UNC13C: variants seen among roughly 807,000 people sequenced by gnomAD.
The protein encoded by UNC13C is unc-13 homolog C, also known as protein unc-13 homolog C.
Under a neutral mutation model 245.4 loss-of-function variants are expected in UNC13C, and 174 were observed. That is an observed-to-expected ratio of 0.71 (90% CI 0.63 to 0.80). The LOEUF is 0.80. Ranked by LOEUF, UNC13C falls within the 30% of genes least tolerant of loss-of-function variation. The probability of loss-of-function intolerance (pLI) is 0.00; values close to 1 mark genes in which losing one functional copy is unlikely to be tolerated. For missense variants in UNC13C, 2,829 were observed against 2,602.9 expected, an observed-to-expected ratio of 1.09 and a Z score of -1.89; for synonymous variants, 992 against 895.1, an observed-to-expected ratio of 1.11 and a Z score of -1.93.
intron 29 of UNC13C, among the ~76,000 whole-genome samples, chr15:54,556,975 C>A (rs756670583): frequency 6.6e-6 from 1 of 151,986 alleles, no homozygotes; most frequent in Non-Finnish European, 1.5e-5. Context: ...AGATGATCAC[C>A]ACCTGCTGGC....
intron 2 of UNC13C, among the ~76,000 whole-genome samples, chr15:54,035,993 A>G (rs1374438749): frequency 1.3e-5 from 2 of 152,186 alleles, no homozygotes; most frequent in Non-Finnish European, 2.9e-5. Context: ...CTTCCCATCT[A>G]GGAATTGAGG....
chr15:54,538,263 A>G (rs915516416), intron 26 of UNC13C, among the ~76,000 whole-genome samples: 17 of 151,794 alleles, frequency 1.1e-4, no homozygotes, highest in Non-Finnish European at 5.9e-5. Context: ...GTCACTAATC[A>G]TTGAAGAAAT....
intron 2 of UNC13C, among the ~76,000 whole-genome samples, chr15:54,078,444 C>T (rs991546879): frequency 6.6e-6 from 1 of 152,136 alleles, no homozygotes; most frequent in African/African-American, 2.4e-5. Context: ...AGCTAATTTA[C>T]GTTTCTGCCA....
At position 54,509,818 on chromosome 15, in the gene UNC13C, A is replaced by C. The variant is rs74016634; in HGVS notation, c.5380-1935A>C. On this transcript the variant is annotated intron_variant, in intron 23 of 32. Transcript: ENST00000260323. ...CAGTAGCAGTTTGATGAATTGATTC[A>C]GTAAAACTGCACTTTGAACATTTCA... Among the ~76,000 whole-genome samples the C allele has an allele frequency of 8.2e-3, 1,254 of 152,316 alleles. 26 individuals carry two copies. The highest frequency in any genetic ancestry group is 0.029 in the African/African-American group (1,202 of 41,558).
intron 4 of UNC13C, among the ~76,000 whole-genome samples, chr15:54,171,615 G>A (rs1033746185): frequency 2.0e-5 from 3 of 152,046 alleles, no homozygotes; most frequent in Admixed American, 1.3e-4. Flanking sequence ...AAATGCTGGT[G>A]AGAATGTGGA....
chr15:53,921,181 T>C, the UNC13C span, among the ~76,000 whole-genome samples: 2 of 152,076 alleles, frequency 1.3e-5, no homozygotes, highest in Admixed American at 1.3e-4. Flanking sequence ...GAAAGAACAT[T>C]GCTCTAGAAT....
intron 1 of UNC13C, among the ~76,000 whole-genome samples, chr15:53,999,635 T>C (rs1894794219): frequency 1.3e-5 from 2 of 152,046 alleles, no homozygotes; most frequent in African/African-American, 4.8e-5. Flanking sequence ...TTTTGACAGC[T>C]TCTAAAGGTG....
chr15:54,600,283 T>C (rs1685270996), intron 30 of UNC13C, among the ~76,000 whole-genome samples: 1 of 152,084 alleles, frequency 6.6e-6, no homozygotes, highest in Non-Finnish European at 1.5e-5. Context: ...AGTAGTGTTA[T>C]CTAGGGAACA....
the UNC13C span, among the ~76,000 whole-genome samples, chr15:53,953,852 A>G: frequency 1.3e-5 from 2 of 152,366 alleles, no homozygotes; most frequent in African/African-American, 4.8e-5. Context: ...TTGCTCTTCC[A>G]TCTGCTGGAA....
chr15:54,606,378 G>T (rs142640754), intron 30 of UNC13C, among the ~76,000 whole-genome samples: 1 of 152,164 alleles, frequency 6.6e-6, no homozygotes, highest in Non-Finnish European at 1.5e-5. Context: ...AGATGCATGT[G>T]TTCCATATTT....
At chr15:54,040,255 GGAGA>G (rs887540676) in intron 2 of UNC13C, among the ~76,000 whole-genome samples, 4 of 152,068 alleles carry the variant, frequency 2.6e-5, no homozygotes, top group African/African-American at 9.7e-5. Flanking sequence ...ATTAAAACTG[GGAGA>G]GAGACTAGGA....
intron 2 of UNC13C, among the ~76,000 whole-genome samples, chr15:54,035,396 T>G (rs546683779): frequency 6.6e-6 from 1 of 152,290 alleles, no homozygotes; most frequent in East Asian, 1.9e-4. Context: ...GCATGCATGA[T>G]TTGTATAGCA....
At chr15:54,181,470 T>A (rs933121267) in intron 4 of UNC13C, among the ~76,000 whole-genome samples, 3 of 149,688 alleles carry the variant, frequency 2.0e-5, no homozygotes, top group African/African-American at 7.6e-5. Flanking sequence ...TTTGTTTTGT[T>A]TTGTTTTGTT....
intron 2 of UNC13C, among the ~76,000 whole-genome samples, chr15:54,074,958 G>A (rs1297497684): frequency 6.6e-6 from 1 of 152,090 alleles, no homozygotes; most frequent in Non-Finnish European, 1.5e-5. Context: ...AGTTCTTCAA[G>A]AATTGGTTAC....
At chr15:54,333,715 A>T in intron 15 of UNC13C, 52 bp from the exon 16 acceptor site, 2 of 1,208,572 alleles carry the variant, frequency 1.7e-6, no homozygotes, top group Non-Finnish European at 2.4e-6. Context: ...TTATTTTCCC[A>T]CTAGAAGTTT....
rs1899810739 is a variant in UNC13C at position 54,607,138 on chromosome 15, G to A, written c.6107-15189G>A. On this transcript the variant is annotated intron_variant, in intron 30 of 32. Coordinates refer to ENST00000260323, the MANE Select transcript of UNC13C (RefSeq NM_001080534.3). ...TTTGACTTAAATGAGTTGGTATCTA[G>A]TTCTATGTCAAATCCTGTGTTATGA... Among the ~76,000 whole-genome samples, 8 of 152,146 alleles carry A rather than the reference G, an allele frequency of 5.3e-5. No homozygotes were observed. In the South Asian group the frequency reaches 1.7e-3, roughly 31 times the overall value.
the UNC13C span, among the ~76,000 whole-genome samples, chr15:53,841,373 A>T: frequency 2.0e-5 from 3 of 152,112 alleles, no homozygotes; most frequent in African/African-American, 4.8e-5. Flanking sequence ...CTTCAACCAA[A>T]AGCAAGGCTA....
chr15:54,151,445 G>GA (rs1462379529), intron 4 of UNC13C, among the ~76,000 whole-genome samples: 1 of 151,938 alleles, frequency 6.6e-6, no homozygotes, highest in Non-Finnish European at 1.5e-5. Flanking sequence ...CACTCTCACT[G>GA]AAGCAGGAGT....
At chr15:54,082,338 C>A (rs11636898) in intron 2 of UNC13C, among the ~76,000 whole-genome samples, 4 of 151,948 alleles carry the variant, frequency 2.6e-5, no homozygotes, top group Non-Finnish European at 5.9e-5. Context: ...GGCAATTTTC[C>A]TGAACTATTC....
Sources: gnomAD v4.1 joint callset for allele counts (sites outside exome capture counted in the v4.1 genomes callset) on GRCh38, gnomAD v4.1.1 for gene constraint, MANE v1.5 for transcripts, NCBI Gene and HGNC (gene_info 2026-07-23, HGNC 2026-07-21) for gene names.